RTN4: variants seen among roughly 807,000 people sequenced by gnomAD.
RTN4 encodes reticulon 4, also known as reticulon-4.
A neutral mutation model predicts 90.4 loss-of-function variants in RTN4; 32 were observed. The observed-to-expected ratio is 0.35, with a 90% CI of 0.27 to 0.48. RTN4 has a LOEUF of 0.48. RTN4 is among the 20% of genes least tolerant of loss of function. The pLI is 0.99. For missense variants in RTN4, 1,706 were observed against 1,430.2 expected, an observed-to-expected ratio of 1.19 and a Z score of -3.11; for synonymous variants, 629 against 552.5, an observed-to-expected ratio of 1.14 and a Z score of -1.94.
chr2:55,075,894 G>T (rs536919459), intron 2 of RTN4, among the ~76,000 whole-genome samples: 188 of 152,256 alleles, frequency 1.2e-3, no homozygotes, highest in Admixed American at 2.6e-3. Flanking sequence ...GCATGTAAAA[G>T]AATGAAACTG....
At chr2:55,063,516 T>C (rs1263732813) in intron 2 of RTN4, among the ~76,000 whole-genome samples, 3 of 152,142 alleles carry the variant, frequency 2.0e-5, no homozygotes, top group African/African-American at 7.2e-5. Context: ...CAGGCCATAG[T>C]AATGAGTTGA....
intron 3 of RTN4, among the ~76,000 whole-genome samples, chr2:54,991,233 A>G (rs1349248880): frequency 7.9e-5 from 12 of 152,230 alleles, no homozygotes; most frequent in Admixed American, 7.9e-4. Context: ...ATTAAAAACT[A>G]CTCAGTAAAA....
intron 1 of RTN4, among the ~76,000 whole-genome samples, chr2:55,095,211 C>T (rs1669009478): frequency 6.6e-6 from 1 of 151,892 alleles, no homozygotes; most frequent in Non-Finnish European, 1.5e-5. Context: ...GTAATCCTGG[C>T]TACTTGGGAG....
chr2:55,119,507 A>C, the RTN4 span, among the ~76,000 whole-genome samples: 14 of 152,242 alleles, frequency 9.2e-5, no homozygotes, highest in African/African-American at 3.4e-4. Context: ...ACACAGACTT[A>C]TTGGATGCAA....
chr2:55,013,588 T>G (rs1020891195), intron 3 of RTN4, among the ~76,000 whole-genome samples: 9 of 119,412 alleles, frequency 7.5e-5, no homozygotes, highest in Non-Finnish European at 1.2e-4. Flanking sequence ...TGTGTGTATG[T>G]TTTTTGGTGG....
intron 1 of RTN4, among the ~76,000 whole-genome samples, chr2:55,105,480 T>A (rs1373876776): frequency 3.3e-5 from 5 of 152,196 alleles, no homozygotes; most frequent in Admixed American, 6.5e-5. Context: ...TCTGCCCACT[T>A]CAGCTTCCCA....
intron 3 of RTN4, among the ~76,000 whole-genome samples, chr2:54,994,168 A>C (rs1679238039): frequency 6.6e-6 from 1 of 152,250 alleles, no homozygotes; most frequent in Non-Finnish European, 1.5e-5. Context: ...TGAGAAAAAT[A>C]CTGTTGCTTC....
At chr2:55,130,034 C>G in the RTN4 span, among the ~76,000 whole-genome samples, 1 of 152,030 alleles carries the variant, frequency 6.6e-6, no homozygotes, top group Non-Finnish European at 1.5e-5. Flanking sequence ...GCACATGTGC[C>G]TGAAAAAGCA....
intron 4 of RTN4, among the ~76,000 whole-genome samples, chr2:54,984,137 A>C (rs944934376): frequency 6.6e-6 from 1 of 151,982 alleles, no homozygotes; most frequent in Admixed American, 6.6e-5. Flanking sequence ...CTCAAATCTC[A>C]CCCATACATA....
At chr2:55,021,397 C>CT (rs914509340) in intron 3 of RTN4, among the ~76,000 whole-genome samples, 1 of 151,368 alleles carries the variant, frequency 6.6e-6, no homozygotes, top group African/African-American at 2.4e-5. Context: ...CCCTGCCCCC[C>CT]CCGCCAAAAA....
chr2:54,991,788 T>C (rs2104697808), intron 3 of RTN4, among the ~76,000 whole-genome samples: 1 of 152,364 alleles, frequency 6.6e-6, no homozygotes, highest in East Asian at 1.9e-4. Flanking sequence ...TGAACCTTCC[T>C]AGAAATATCT....
the RTN4 span, among the ~76,000 whole-genome samples, chr2:55,137,309 G>C: frequency 6.6e-6 from 1 of 152,206 alleles, no homozygotes; most frequent in Non-Finnish European, 1.5e-5. Flanking sequence ...GGGGTGGCTG[G>C]AAAGGAGGCC....
At chr2:55,096,099 G>T (rs762269422) in intron 1 of RTN4, among the ~76,000 whole-genome samples, 1 of 152,146 alleles carries the variant, frequency 6.6e-6, no homozygotes, top group African/African-American at 2.4e-5. Flanking sequence ...GGCCGAGGCG[G>T]GTGGATTACC....
intron 1 of RTN4, among the ~76,000 whole-genome samples, chr2:55,091,424 C>T (rs1339697165): frequency 6.6e-6 from 1 of 152,304 alleles, no homozygotes; most frequent in South Asian, 2.1e-4. Context: ...ACCTGTCTGC[C>T]CCAATCCCTA....
chr2:55,017,435 A>G (rs1681122644), intron 3 of RTN4, among the ~76,000 whole-genome samples: 1 of 152,196 alleles, frequency 6.6e-6, no homozygotes, highest in Admixed American at 6.6e-5. Flanking sequence ...GATCATGGTA[A>G]TACTACTTGG....
rs201758339 is a variant in RTN4 at position 55,050,396 on chromosome 2, A to G, written c.-96T>C. The G allele has an allele frequency of 3.3e-5, 23 of 705,858 alleles. No homozygotes were observed. In the South Asian group the frequency reaches 6.1e-4, roughly 19 times the overall value. The allele number at this position is 705,858 out of a possible 1,614,324, so 43.7% of individuals were successfully genotyped here. A position where few individuals can be genotyped will look rare whatever the true frequency, so the allele number is the denominator to read the frequency against. On this transcript the variant is annotated 5_prime_UTR_variant, in exon 1 of 9. Transcript: ENST00000337526. This position sits in a 1 kb window ranked among gnomAD's most constrained non-coding sequence, Gnocchi z 4.6. Reference sequence around the variant, plus strand: ...GTTGTGGGGGTTGGGGAGGACTGAGAGGGGCTGGGCCGACTGAGCCGAGGG... The same window carrying G: ...GTTGTGGGGGTTGGGGAGGACTGAGGGGGGCTGGGCCGACTGAGCCGAGGG...
intron 3 of RTN4, among the ~76,000 whole-genome samples, chr2:55,002,728 T>G (rs527927719): frequency 1.4e-4 from 22 of 152,288 alleles, no homozygotes; most frequent in Non-Finnish European, 3.1e-4. Flanking sequence ...GCTAAATATC[T>G]TCTCTTTAAG....
Position 55,050,369 on chromosome 2 carries a change from C to A in RTN4, c.-69G>T. 9.2e-7 allele frequency: 1 copy of A among 1,088,192 alleles called. No individual in the cohort carries two copies. Among genetic ancestry groups the A allele is most frequent in the Non-Finnish European group, 1.2e-6 (1 of 816,308 alleles). 67.4% of individuals were successfully genotyped at this position (1,088,192 alleles called of 1,614,324 possible). A position where few individuals can be genotyped will look rare whatever the true frequency, so the allele number is the denominator to read the frequency against. On this transcript the variant is annotated 5_prime_UTR_variant, in exon 1 of 9. Transcript: ENST00000337526. This position sits in a 1 kb window ranked among gnomAD's most constrained non-coding sequence, Gnocchi z 4.6. ...CGGGGCCGCGTCTCAGAGCCGCGGG[C>A]GGTTGTGGGGGTTGGGGAGGACTGA...
intron 1 of RTN4, among the ~76,000 whole-genome samples, chr2:55,038,428 GA>G (rs893613909): frequency 9.3e-5 from 14 of 149,810 alleles, no homozygotes; most frequent in African/African-American, 2.2e-4. Context: ...AAATATGTAG[GA>G]AAAAAAAAGG....
Sources: allele counts gnomAD v4.1 joint callset (sites outside exome capture counted in the v4.1 genomes callset), GRCh38; gene constraint gnomAD v4.1.1; non-coding constraint Gnocchi (gnomAD v3.1); transcripts MANE v1.5; gene names NCBI Gene and HGNC (gene_info 2026-07-23, HGNC 2026-07-21).